ROBO2: variants seen among roughly 807,000 people sequenced by gnomAD.
The protein encoded by ROBO2 is roundabout homolog 2.
A neutral mutation model predicts 160.8 loss-of-function variants in ROBO2; 53 were observed. The ratio of observed to expected loss-of-function variants is 0.33; its 90% CI spans 0.26 to 0.41. The LOEUF (loss-of-function observed/expected upper bound fraction) is 0.41. Ranked by LOEUF, ROBO2 falls within the 10% of genes least tolerant of loss-of-function variation. The pLI is 1.00. For synonymous variants in ROBO2, 664 were observed against 611.7 expected (o/e 1.09, Z -1.26); for missense variants, 1,577 against 1,722.4 (o/e 0.92, Z 1.49).
At chr3:76,976,111 C>T (rs545211267) in intron 2 of ROBO2, among the ~76,000 whole-genome samples, 5 of 152,114 alleles carry the variant, frequency 3.3e-5, no homozygotes, top group Non-Finnish European at 5.9e-5. Flanking sequence ...GGCAATATGT[C>T]GTAAATATCT....
chr3:76,883,831 GA>G (rs1266721788), intron 2 of ROBO2, among the ~76,000 whole-genome samples: 1 of 152,178 alleles, frequency 6.6e-6, no homozygotes, highest in Non-Finnish European at 1.5e-5. Context: ...AATATATCAT[GA>G]GAGAGTTTTG....
chr3:76,672,594 A>G (rs1181872511), intron 2 of ROBO2, among the ~76,000 whole-genome samples: 1 of 152,180 alleles, frequency 6.6e-6, no homozygotes, highest in Non-Finnish European at 1.5e-5. Flanking sequence ...GGAGGAAGAC[A>G]GCATTCAATA....
chr3:76,434,680 A>G, intron 2 of ROBO2: 2 of 1,141,586 alleles, frequency 1.8e-6, no homozygotes, highest in Non-Finnish European at 2.7e-6. Flanking sequence ...CTGCTGGATC[A>G]GGTCCTCCTC....
Position 77,213,940 on chromosome 3 carries a change from G to A in ROBO2, c.388+115600G>A, listed in dbSNP as rs1039355652. Among the ~76,000 whole-genome samples, 29 of 152,282 alleles carry A rather than the reference G, an allele frequency of 1.9e-4. 1 individual carries two copies. The highest frequency in any genetic ancestry group is 6.3e-4 in the African/African-American group (26 of 41,550). ...CTAGTTTGATTGCACTGTGGTCTGA[G>A]AGACAGTTTGTTATCATTTCTGTTT... On this transcript the variant is annotated intron_variant, in intron 2 of 25. Coordinates refer to ENST00000461745, the Ensembl canonical transcript of ROBO2.
chr3:76,954,870 T>C (rs2079154677), intron 2 of ROBO2, among the ~76,000 whole-genome samples: 1 of 152,190 alleles, frequency 6.6e-6, no homozygotes, highest in Non-Finnish European at 1.5e-5. Flanking sequence ...TAAAAAATTA[T>C]ATATAGAACA....
chr3:75,973,844 AAAGAG>A (rs1444320850), intron 2 of ROBO2, among the ~76,000 whole-genome samples: 1 of 151,486 alleles, frequency 6.6e-6, no homozygotes, highest in African/African-American at 2.4e-5. Context: ...AGGTAGAAGA[AAAGAG>A]AAAATTTGAA....
At chr3:75,991,424 T>A (rs553849551) in intron 2 of ROBO2, among the ~76,000 whole-genome samples, 1 of 152,212 alleles carries the variant, frequency 6.6e-6, no homozygotes, top group South Asian at 2.1e-4. Flanking sequence ...CAAGATCTGA[T>A]GGTTATAAAT....
chr3:76,371,897 A>T (rs2076121739), intron 2 of ROBO2, among the ~76,000 whole-genome samples: 1 of 151,930 alleles, frequency 6.6e-6, no homozygotes, highest in Admixed American at 6.6e-5. Context: ...AGAATAAAGC[A>T]ATAAAAATAT....
At chr3:76,045,775 C>T (rs1397796320) in intron 2 of ROBO2, among the ~76,000 whole-genome samples, 4 of 152,024 alleles carry the variant, frequency 2.6e-5, no homozygotes, top group Admixed American at 2.0e-4. Flanking sequence ...CTGCTCAAAA[C>T]CAAGCACTCT....
chr3:75,981,482 G>A (rs1007655197), intron 2 of ROBO2, among the ~76,000 whole-genome samples: 14 of 151,248 alleles, frequency 9.3e-5, no homozygotes, highest in African/African-American at 3.4e-4. Context: ...TCTGTTGAAT[G>A]CCTACTATGT....
chr3:76,869,788 G>T (rs2071830246), intron 2 of ROBO2, among the ~76,000 whole-genome samples: 1 of 152,044 alleles, frequency 6.6e-6, no homozygotes, highest in Admixed American at 6.6e-5. Context: ...ATTGCCACTT[G>T]TTTGGTCTAT....
chr3:76,840,949 G>C (rs1256737362), intron 2 of ROBO2, among the ~76,000 whole-genome samples: 1 of 151,958 alleles, frequency 6.6e-6, no homozygotes, highest in Admixed American at 6.6e-5. Flanking sequence ...GGGAACATCT[G>C]ATGGTCCAAC....
At chr3:76,637,762 T>C (rs2090420965) in intron 2 of ROBO2, among the ~76,000 whole-genome samples, 1 of 152,190 alleles carries the variant, frequency 6.6e-6, no homozygotes. Flanking sequence ...TTCAAAAAGC[T>C]TTTTATATTA....
intron 9 of ROBO2, among the ~76,000 whole-genome samples, chr3:77,560,083 G>C (rs945001560): frequency 6.6e-6 from 1 of 152,028 alleles, no homozygotes; most frequent in African/African-American, 2.4e-5. Flanking sequence ...CTGAATTAAA[G>C]GGTATGCTTG....
chr3:76,694,451 C>T lies in ROBO2; in HGVS notation c.110-403563C>T, dbSNP rs145698852. Reference sequence around the variant, plus strand: ...CCCAAATAAGCCAAAAGAGGTCATCCTCTTACTACTCAAGTGCAGCTTTAT... The same window carrying T: ...CCCAAATAAGCCAAAAGAGGTCATCTTCTTACTACTCAAGTGCAGCTTTAT... On this transcript the variant is annotated intron_variant, in intron 2 of 26. Transcript: ENST00000487694. Among the ~76,000 whole-genome samples the T allele has an allele frequency of 5.8e-4, 88 of 152,170 alleles. No homozygotes were observed. The East Asian group carries it at 0.012, about 20-fold the overall frequency.
chr3:77,296,695 G>T (rs1218167276), intron 2 of ROBO2, among the ~76,000 whole-genome samples: 1 of 152,116 alleles, frequency 6.6e-6, no homozygotes, highest in African/African-American at 2.4e-5. Context: ...GATGGAAAAG[G>T]CCTTGTGGTA....
At chr3:76,887,196 T>C (rs2073967211) in intron 2 of ROBO2, among the ~76,000 whole-genome samples, 3 of 37,832 alleles carry the variant, frequency 7.9e-5, no homozygotes, top group East Asian at 9.5e-4. Context: ...CAGGAAGCAT[T>C]TTTTTTTTTT....
chr3:76,018,282 G>GA (rs1464496684), intron 2 of ROBO2, among the ~76,000 whole-genome samples: 26 of 151,742 alleles, frequency 1.7e-4, no homozygotes, highest in African/African-American at 6.0e-4. Flanking sequence ...TAGAAAAATA[G>GA]AAAAAATATA....
At chr3:77,118,811 C>T (rs2074451242) in intron 2 of ROBO2, among the ~76,000 whole-genome samples, 2 of 152,172 alleles carry the variant, frequency 1.3e-5, no homozygotes, top group South Asian at 4.1e-4. Context: ...CCTGAACTTA[C>T]ACAAACCTAG....
Sources: gnomAD v4.1 joint callset for allele counts (sites outside exome capture counted in the v4.1 genomes callset) on GRCh38, gnomAD v4.1.1 for gene constraint, MANE v1.5 for transcripts, NCBI Gene and HGNC (gene_info 2026-07-23, HGNC 2026-07-21) for gene names.